ANK1: variants seen among roughly 807,000 people sequenced by gnomAD.
ANK1 encodes ankyrin 1, also known as ankyrin-1.
ANK1 carries 51 observed loss-of-function variants against 210.4 expected under a neutral mutation model. The observed-to-expected ratio is 0.24, with a 90% CI of 0.19 to 0.31. The LOEUF (loss-of-function observed/expected upper bound fraction) is 0.31, where lower values mean the gene tolerates loss of function less well. ANK1 is among the 10% of genes least tolerant of loss of function. The pLI is 1.00. For missense variants in ANK1, 2,051 were observed against 2,504.4 expected, an observed-to-expected ratio of 0.82 and a Z score of 3.86; for synonymous variants, 967 against 1,025.9, an observed-to-expected ratio of 0.94 and a Z score of 1.10.
chr8:41,721,656 CAAAAAAAAAAAAAAA>C (rs55653901), intron 9 of ANK1, among the ~76,000 whole-genome samples: 32,067 of 108,494 alleles, frequency 0.3, 4,165 homozygotes, highest in Admixed American at 0.35. Flanking sequence ...GACTTCATCT[CAAAAAAAAAAAAAAA>C]AAAAAAAAAA....
At chr8:41,659,606 G>A (rs1807142433) in intron 42 of ANK1, among the ~76,000 whole-genome samples, 1 of 152,196 alleles carries the variant, frequency 6.6e-6, no homozygotes, top group Non-Finnish European at 1.5e-5. Flanking sequence ...CCCTGGTTGG[G>A]AGGGTAGGGC....
intron 24 of ANK1, 37 bp from the exon 25 acceptor site, chr8:41,696,810 T>C: frequency 6.4e-7 from 1 of 1,569,096 alleles, no homozygotes. Flanking sequence ...TCCCACCTCC[T>C]CCCGGGCCAG....
rs140583466 is a variant in ANK1 at position 41,842,849 on chromosome 8, ATTTG to A, written c.126+53502_126+53505del. ...TGAACACATTTTTGGGGGGTTGTTC[ATTTG>A]TTTGTTTGTTTTGAGACGGATCTCC... On this transcript the variant is annotated intron_variant, in intron 1 of 42. Transcript: ENST00000265709. Among the ~76,000 whole-genome samples, 690 of 152,116 alleles carry A rather than the reference ATTTG, an allele frequency of 4.5e-3. 3 individuals carry two copies. Among genetic ancestry groups the A allele is most frequent in the East Asian group, 0.028 (147 of 5,166 alleles).
At chr8:41,835,958 A>AGGGCAGGGGGAG (rs1212619021) in intron 1 of ANK1, among the ~76,000 whole-genome samples, 5 of 152,136 alleles carry the variant, frequency 3.3e-5, no homozygotes, top group Admixed American at 3.3e-4. Context: ...GGGAGGGGAG[A>AGGGCAGGGGGAG]GGGCAGGGGG....
intron 2 of ANK1, among the ~76,000 whole-genome samples, chr8:41,755,786 G>A (rs542902516): frequency 3.3e-5 from 5 of 152,208 alleles, no homozygotes; most frequent in Admixed American, 6.5e-5. Flanking sequence ...GCTATGCAAA[G>A]GCCAGCCTGG....
At chr8:41,681,108 T>C (rs1318500219) in intron 37 of ANK1, among the ~76,000 whole-genome samples, 1 of 152,144 alleles carries the variant, frequency 6.6e-6, no homozygotes, top group African/African-American at 2.4e-5. Context: ...CCTGCTAGCT[T>C]AACGTCAGCA....
At chr8:41,659,640 C>CT (rs1807161598) in intron 42 of ANK1, among the ~76,000 whole-genome samples, 1 of 152,176 alleles carries the variant, frequency 6.6e-6, no homozygotes, top group East Asian at 1.9e-4. Context: ...CCCTAACCCT[C>CT]TGGGACTTTG....
intron 1 of ANK1, among the ~76,000 whole-genome samples, chr8:41,853,043 C>A (rs4737017): frequency 0.57 from 86,869 of 152,048 alleles, 26,535 homozygotes; most frequent in East Asian, 0.83. Flanking sequence ...CAATGTTTCC[C>A]TGTAAAACAG....
intron 39 of ANK1, 141 bp from the exon 40 acceptor site, chr8:41,663,883 G>T: frequency 1.3e-6 from 1 of 747,528 alleles, no homozygotes; most frequent in Non-Finnish European, 2.4e-6. Flanking sequence ...GGCTCAGCAT[G>T]TAGCAGGAGC....
intron 2 of ANK1, among the ~76,000 whole-genome samples, chr8:41,741,791 C>T (rs915498818): frequency 1.3e-5 from 2 of 152,126 alleles, no homozygotes; most frequent in South Asian, 2.1e-4. Flanking sequence ...TTGTCATTGT[C>T]GGGGTAGGAG....
chr8:41,795,337 A>C (rs936490163), intron 1 of ANK1, among the ~76,000 whole-genome samples: 1 of 151,838 alleles, frequency 6.6e-6, no homozygotes, highest in African/African-American at 2.4e-5. Flanking sequence ...ACATGGTGAG[A>C]CTGAGACTTA....
At chr8:41,699,425 G>A (rs368375187) in intron 23 of ANK1, 27 bp downstream of exon 23, 46 of 1,609,288 alleles carry the variant, frequency 2.9e-5, no homozygotes, top group South Asian at 1.3e-4. Context: ...CGGCACCCCC[G>A]GGGACCCTCC....
rs10632156 is a variant in ANK1 at position 41,848,187 on chromosome 8, AAAATAAATAAAT to A, written c.126+48156_126+48167del. ...GGGAATACAGTGAGACTCAATTTCA[AAAATAAATAAAT>A]AAATAAATAAATAAATAAATAAATA... On this transcript the variant is annotated intron_variant, in intron 1 of 42. Coordinates refer to the ANK1 transcript ENST00000265709. Among the ~76,000 whole-genome samples, 905 of 142,950 alleles carry A rather than the reference AAAATAAATAAAT, an allele frequency of 6.3e-3. 8 individuals carry two copies. The highest frequency in any genetic ancestry group is 0.02 in the African/African-American group (792 of 38,698). 93.8% of individuals were successfully genotyped at this position (142,950 alleles called of 152,430 possible). A position where few individuals can be genotyped will look rare whatever the true frequency, so the allele number is the denominator to read the frequency against.
upstream of ANK1, among the ~76,000 whole-genome samples, chr8:41,801,267 T>G (rs1442609781): frequency 6.6e-6 from 1 of 152,258 alleles, no homozygotes. Flanking sequence ...TTTATCCATT[T>G]TACTGCTAAT....
intron 1 of ANK1, among the ~76,000 whole-genome samples, chr8:41,785,718 A>C (rs1846211711): frequency 6.6e-6 from 1 of 152,154 alleles, no homozygotes; most frequent in Non-Finnish European, 1.5e-5. Flanking sequence ...GCCTTCCCGC[A>C]GGAGTTGCCG....
intron 16 of ANK1, among the ~76,000 whole-genome samples, chr8:41,710,050 T>C (rs531791548): frequency 1.3e-4 from 20 of 152,360 alleles, no homozygotes; most frequent in African/African-American, 4.8e-4. Flanking sequence ...ATCAATGATG[T>C]CACTGTGCAC....
At position 41,852,152 on chromosome 8, in the gene ANK1, A is replaced by T. The variant is rs1563908715; in HGVS notation, c.126+44203T>A. 2.0e-5 allele frequency among the ~76,000 whole-genome samples: 3 copies of T among 152,260 alleles called. No individual in the cohort carries two copies. In the South Asian group the frequency reaches 6.2e-4, roughly 32 times the overall value. ...ATATTCAGGTAGAGGGAAGGAGAGC[A>T]AAGTTAGGGGTTCTGGGCCTTGGAG... On this transcript the variant is annotated intron_variant, in intron 1 of 42. Coordinates refer to the ANK1 transcript ENST00000265709.
chr8:41,772,888 A>G (rs1033458729), intron 1 of ANK1, among the ~76,000 whole-genome samples: 6 of 152,108 alleles, frequency 3.9e-5, no homozygotes, highest in African/African-American at 1.4e-4. Context: ...CCCTTTACCG[A>G]GAAAGGCAGG....
chr8:41,660,352 C>T (rs1807567556), intron 42 of ANK1: 1 of 454,656 alleles, frequency 2.2e-6, no homozygotes, highest in Non-Finnish European at 4.5e-6. Context: ...GTCCCAGAGT[C>T]AGGCCCTGGG....
Sources: allele counts gnomAD v4.1 joint callset (sites outside exome capture counted in the v4.1 genomes callset), GRCh38; gene constraint gnomAD v4.1.1; transcripts MANE v1.5; gene names NCBI Gene and HGNC (gene_info 2026-07-23, HGNC 2026-07-21).